Variants in ZSWIM7 observed in about 807,000 individuals in gnomAD.
ZSWIM7 encodes the protein zinc finger SWIM-type containing 7, also known as zinc finger SWIM domain-containing protein 7.
ZSWIM7 carries 22 observed loss-of-function variants against 21.1 expected under a neutral mutation model. The observed-to-expected ratio is 1.04, with a 90% CI of 0.74 to 1.49. ZSWIM7 has a LOEUF of 1.49. Among genes scored for constraint, ZSWIM7 ranks in the 40% most tolerant of loss-of-function variants. The pLI is 0.00. For synonymous variants in ZSWIM7, 67 were observed against 66.5 expected (o/e 1.01, Z -0.04); for missense variants, 193 against 168.0 (o/e 1.15, Z -0.82).
At chr17:15,993,246 G>A (rs904733024) in intron 2 of ZSWIM7, among the ~76,000 whole-genome samples, 6 of 151,542 alleles carry the variant, frequency 4.0e-5, no homozygotes, top group Admixed American at 6.6e-5. Flanking sequence ...AGCTGGTCTC[G>A]AACTCCTGGG....
At chr17:15,988,591 G>A (rs1970443900) in intron 2 of ZSWIM7, among the ~76,000 whole-genome samples, 1 of 151,700 alleles carries the variant, frequency 6.6e-6, no homozygotes, top group Non-Finnish European at 1.5e-5. Context: ...GAGGCAAGAG[G>A]ATCACTTGAG....
chr17:15,984,120 TAC>T (rs1321165638), intron 3 of ZSWIM7, among the ~76,000 whole-genome samples: 1 of 151,084 alleles, frequency 6.6e-6, no homozygotes, highest in African/African-American at 2.5e-5. Context: ...GGAGAAATTC[TAC>T]AGAGTTTCCT....
chr17:15,979,046 G>C (rs900518027), intron 4 of ZSWIM7, among the ~76,000 whole-genome samples: 10 of 148,522 alleles, frequency 6.7e-5, no homozygotes, highest in African/African-American at 2.2e-4. Flanking sequence ...AGGGGGATTT[G>C]GCAGGGTCAT....
At chr17:15,978,276 A>C in intron 4 of ZSWIM7, 113 bp from the exon 5 acceptor site, 2 of 766,536 alleles carry the variant, frequency 2.6e-6, no homozygotes, top group South Asian at 3.0e-5. Flanking sequence ...GAGCATACAG[A>C]TTACGGGGTC....
At position 15,984,539 on chromosome 17, in the gene ZSWIM7, G is replaced by A. The variant is rs957212645; in HGVS notation, c.201+2727C>T. Among the ~76,000 whole-genome samples the A allele has an allele frequency of 3.9e-5, 6 of 152,316 alleles. No homozygotes were observed. In the East Asian group the frequency reaches 1.2e-3, roughly 29 times the overall value. On this transcript the variant is annotated intron_variant, in intron 3 of 4. Transcript: ENST00000399277. ...GTTCTACTGTGGTTTCAGTTAGGTCGCAAGGAGAGGTGACCCATCTACATG... is the reference window on the plus strand; with the variant it reads ...GTTCTACTGTGGTTTCAGTTAGGTCACAAGGAGAGGTGACCCATCTACATG...
chr17:15,991,908 T>G (rs1015748893), intron 2 of ZSWIM7, among the ~76,000 whole-genome samples: 1 of 98,538 alleles, frequency 1.0e-5, no homozygotes, highest in Non-Finnish European at 2.1e-5. Flanking sequence ...GGTTTTGTTT[T>G]TTTTTGTTTG....
chr17:15,995,826 TAGCTTGAAA>T (rs1398496519), intron 1 of ZSWIM7, among the ~76,000 whole-genome samples: 1 of 151,194 alleles, frequency 6.6e-6, no homozygotes, highest in African/African-American at 2.4e-5. Flanking sequence ...CATGAATTTC[TAGCTTGAAA>T]GGGCCCACTG....
Position 15,981,161 on chromosome 17 carries a change from G to A in ZSWIM7, c.202-17C>T. On this transcript the variant is annotated splice_polypyrimidine_tract_variant and intron_variant, in intron 3 of 4. Transcript: ENST00000399277. ...TCCAAGGACCTACAAAGAAAGGATA[G>A]ATGGGATCAGACCTCAGATGTGCTG... 3 of 1,596,212 alleles carry A rather than the reference G, an allele frequency of 1.9e-6. No homozygotes were observed. The highest frequency in any genetic ancestry group is 2.6e-6 in the Non-Finnish European group (3 of 1,164,418).
chr17:15,995,369 G>A (rs371632698), intron 1 of ZSWIM7, among the ~76,000 whole-genome samples: 1 of 151,520 alleles, frequency 6.6e-6, no homozygotes, highest in East Asian at 1.9e-4. Context: ...CCGGGTTCAA[G>A]CAATTCTCCT....
chr17:15,999,545 G>T lies in ZSWIM7; in HGVS notation c.50C>A (p.Ala17Glu), dbSNP rs866548461. Residue 17 changes from alanine to glutamate, a missense_variant, in exon 1 of 5, where the codon GCG becomes GAG. Physicochemically the swap from Ala to Glu is moderately radical, Grantham distance 107. Transcript: ENST00000399277. ...TCGCGCGCTCTCCTGCACCGCCGCCGCCATCTCGCTCAGGAGCTCCTCCAC... is the reference window on the plus strand; with the variant it reads ...TCGCGCGCTCTCCTGCACCGCCGCCTCCATCTCGCTCAGGAGCTCCTCCAC... ...AVVEELLSEM[A>E]AAVQESARIP... 5.0e-6 allele frequency: 8 copies of T among 1,598,674 alleles called. No individual in the cohort carries two copies. Among genetic ancestry groups the T allele is most frequent in the African/African-American group, 1.3e-5 (1 of 74,736 alleles).
chr17:15,993,403 T>C (rs1970509661), intron 2 of ZSWIM7, among the ~76,000 whole-genome samples: 1 of 151,556 alleles, frequency 6.6e-6, no homozygotes, highest in Admixed American at 6.6e-5. Flanking sequence ...AGTCTCACTC[T>C]GTCCCCAGGC....
chr17:15,979,609 G>A (rs1475470669), intron 4 of ZSWIM7, among the ~76,000 whole-genome samples: 1 of 145,214 alleles, frequency 6.9e-6, no homozygotes, highest in African/African-American at 2.6e-5. Context: ...CGGCTGGCCA[G>A]GCGGGGGGCT....
chr17:15,979,676 C>CG (rs1342293078), intron 4 of ZSWIM7, among the ~76,000 whole-genome samples: 3 of 132,950 alleles, frequency 2.3e-5, no homozygotes, highest in Non-Finnish European at 4.8e-5. Flanking sequence ...ACTGACCCCC[C>CG]CCACCTCCCT....
chr17:15,988,939 G>T (rs113392146), intron 2 of ZSWIM7, among the ~76,000 whole-genome samples: 4,886 of 152,208 alleles, frequency 0.032, 262 homozygotes, highest in African/African-American at 0.11. Flanking sequence ...AGAATCGCTT[G>T]AATCCGGGAG....
At position 15,977,873 on chromosome 17, in the gene ZSWIM7, T is replaced by C; in HGVS notation, c.*174A>G. Reference sequence around the variant, plus strand: ...AGGGCTTCTCATCATACACAAACCCTCCACAGCCCACGGCTCCAACCCACA... The same window carrying C: ...AGGGCTTCTCATCATACACAAACCCCCCACAGCCCACGGCTCCAACCCACA... On this transcript the variant is annotated 3_prime_UTR_variant, in exon 5 of 5. Coordinates refer to ENST00000399277, the MANE Select transcript of ZSWIM7 (RefSeq NM_001042697.2). 1.7e-6 allele frequency: 1 copy of C among 580,494 alleles called. No individual in the cohort carries two copies. The highest frequency in any genetic ancestry group is 3.1e-6 in the Non-Finnish European group (1 of 321,416). The allele number at this position is 580,494 out of a possible 1,614,324, so 36.0% of individuals were successfully genotyped here.
chr17:15,978,753 A>G (rs756657047), intron 4 of ZSWIM7, among the ~76,000 whole-genome samples: 11 of 152,156 alleles, frequency 7.2e-5, no homozygotes, highest in African/African-American at 1.4e-4. Context: ...AACCCAGACT[A>G]CCTGCACTCC....
intron 4 of ZSWIM7, among the ~76,000 whole-genome samples, chr17:15,978,624 A>C (rs1970307790): frequency 6.6e-6 from 1 of 152,220 alleles, no homozygotes; most frequent in South Asian, 2.1e-4. Flanking sequence ...AACTGCAGAT[A>C]AAGATGATGA....
At chr17:15,987,228 G>A (rs1370258725) in intron 3 of ZSWIM7, 38 bp downstream of exon 3, 7 of 1,509,900 alleles carry the variant, frequency 4.6e-6, no homozygotes, top group Admixed American at 2.0e-5. Flanking sequence ...TGTCCTAAGG[G>A]GTTTCTGTAG....
rs866386444 is a variant in ZSWIM7, at chr17:15,990,045, C to A, written c.99-2677G>T. Among the ~76,000 whole-genome samples the A allele has an allele frequency of 4.6e-5, 7 of 151,970 alleles. No homozygotes were observed. In the Middle Eastern group the frequency reaches 0.01, roughly 222 times the overall value. On this transcript the variant is annotated intron_variant, in intron 2 of 4. Coordinates refer to ENST00000399277, the MANE Select transcript of ZSWIM7 (RefSeq NM_001042697.2). ...ACCATCCTGGCTAACACGGTGAAAC[C>A]CCGTCTCTACTAAAAATACAAAAAA...
Sources: gnomAD v4.1 joint callset for allele counts (sites outside exome capture counted in the v4.1 genomes callset) on GRCh38, gnomAD v4.1.1 for gene constraint, MANE v1.5 for transcripts, NCBI Gene and HGNC (gene_info 2026-07-23, HGNC 2026-07-21) for gene names.